EDIL3: variants seen among roughly 807,000 people sequenced by gnomAD.
The protein encoded by EDIL3 is EGF-like repeat and discoidin I-like domain-containing protein 3.
Under a neutral mutation model 67.4 loss-of-function variants are expected in EDIL3, and 37 were observed. The observed-to-expected ratio is 0.55, with a 90% CI of 0.42 to 0.72. The LOEUF is 0.72. EDIL3 is among the 30% of genes least tolerant of loss of function. The pLI is 0.00. For missense variants in EDIL3, 527 were observed against 586.3 expected, an observed-to-expected ratio of 0.90 and a Z score of 1.04; for synonymous variants, 195 against 196.3, an observed-to-expected ratio of 0.99 and a Z score of 0.05.
intron 1 of EDIL3, among the ~76,000 whole-genome samples, chr5:84,337,473 T>C (rs546015357): frequency 6.6e-6 from 1 of 152,238 alleles, no homozygotes; most frequent in South Asian, 2.1e-4. Context: ...ATAAAAATTG[T>C]AGTCATCCTA....
chr5:84,110,361 A>G (rs532081133), intron 5 of EDIL3, among the ~76,000 whole-genome samples: 10 of 152,296 alleles, frequency 6.6e-5, no homozygotes, highest in African/African-American at 2.4e-4. Context: ...ATTAAATTCA[A>G]CAGTTATAAA....
At chr5:84,157,968 C>T (rs1291693972) in intron 4 of EDIL3, among the ~76,000 whole-genome samples, 1 of 152,046 alleles carries the variant, frequency 6.6e-6, no homozygotes, top group Non-Finnish European at 1.5e-5. Flanking sequence ...ACAATGATAA[C>T]CGGAATCTAT....
chr5:84,053,080 T>C (rs1746373148), intron 9 of EDIL3, among the ~76,000 whole-genome samples: 1 of 152,154 alleles, frequency 6.6e-6, no homozygotes, highest in Admixed American at 6.6e-5. Flanking sequence ...TCAGCAAATG[T>C]AAAAGAACAG....
chr5:84,053,548 T>A (rs199912267), intron 9 of EDIL3, among the ~76,000 whole-genome samples: 1 of 151,568 alleles, frequency 6.6e-6, no homozygotes, highest in Non-Finnish European at 1.5e-5. Context: ...TCAACAAAAT[T>A]GATAGACCGC....
intron 10 of EDIL3, among the ~76,000 whole-genome samples, chr5:83,952,301 T>G (rs887097209): frequency 6.6e-6 from 1 of 151,806 alleles, no homozygotes; most frequent in Non-Finnish European, 1.5e-5. Context: ...CCACCATATT[T>G]AACTTCTTTT....
intron 8 of EDIL3, 27 bp downstream of exon 8, chr5:84,064,673 T>C (rs779719761): frequency 1.2e-6 from 2 of 1,600,118 alleles, no homozygotes; most frequent in Middle Eastern, 1.7e-4. Flanking sequence ...TTAAATAGAA[T>C]ACAGAAATAG....
At chr5:84,016,502 T>C (rs1402623388) in intron 9 of EDIL3, among the ~76,000 whole-genome samples, 2 of 152,142 alleles carry the variant, frequency 1.3e-5, no homozygotes, top group African/African-American at 4.8e-5. Context: ...ATCCCTAATC[T>C]GATAATCCCA....
chr5:84,375,324 T>C (rs1006019520), intron 1 of EDIL3, among the ~76,000 whole-genome samples: 1 of 152,208 alleles, frequency 6.6e-6, no homozygotes, highest in South Asian at 2.1e-4. Flanking sequence ...ATAATTCTCA[T>C]TGTTTTGTAA....
intron 9 of EDIL3, among the ~76,000 whole-genome samples, chr5:84,008,532 T>C (rs1745465364): frequency 6.6e-6 from 1 of 152,164 alleles, no homozygotes; most frequent in South Asian, 2.1e-4. Context: ...GGTAACACCC[T>C]CCTTTGATGG....
Position 84,066,570 on chromosome 5 carries a change from T to A in EDIL3, c.688A>T (p.Ile230Phe). ...LQRKMRVTGVITQGAKRIGSP... is the reference protein window; with the variant it reads ...LQRKMRVTGVFTQGAKRIGSP... ...CCAATCCTCTTGGCTCCTTGGGTAATCACACCAGTAACTCTCATTTTCCTT... is the reference window on the plus strand; with the variant it reads ...CCAATCCTCTTGGCTCCTTGGGTAAACACACCAGTAACTCTCATTTTCCTT... Residue 230 changes from isoleucine to phenylalanine, a missense_variant, in exon 7 of 11, where the codon ATT (isoleucine) becomes TTT (phenylalanine). Physicochemically the swap from Ile to Phe is conservative, Grantham distance 21 (BLOSUM62 0). This residue lies in a region of EDIL3 where 494 missense variants were observed against 522.5 expected (regional missense o/e 0.95). Transcript: ENST00000296591. 1 of 1,613,504 alleles carries A rather than the reference T, an allele frequency of 6.2e-7. No individual in the cohort carries two copies. Among genetic ancestry groups the A allele is most frequent in the Non-Finnish European group, 8.5e-7 (1 of 1,179,858 alleles).
chr5:84,337,467 A>G (rs892651334), intron 1 of EDIL3, among the ~76,000 whole-genome samples: 1 of 152,110 alleles, frequency 6.6e-6, no homozygotes, highest in East Asian at 1.9e-4. Context: ...CTAATAATAA[A>G]AATTGTAGTC....
chr5:83,988,027 T>A (rs1374389193), intron 9 of EDIL3, among the ~76,000 whole-genome samples: 1 of 152,064 alleles, frequency 6.6e-6, no homozygotes, highest in Non-Finnish European at 1.5e-5. Context: ...GGAATCGTTT[T>A]CTGACTACAC....
chr5:84,269,382 T>C (rs762596687), intron 1 of EDIL3, among the ~76,000 whole-genome samples: 1 of 151,778 alleles, frequency 6.6e-6, no homozygotes, highest in Non-Finnish European at 1.5e-5. Context: ...CTTTTACTTG[T>C]ACAGGAAATA....
chr5:84,252,725 T>C (rs1745048585), intron 2 of EDIL3, among the ~76,000 whole-genome samples: 1 of 152,022 alleles, frequency 6.6e-6, no homozygotes, highest in Non-Finnish European at 1.5e-5. Flanking sequence ...ACTCTAATTT[T>C]CTTCAGATAT....
intron 4 of EDIL3, among the ~76,000 whole-genome samples, chr5:84,178,449 A>T (rs540015705): frequency 6.6e-6 from 1 of 152,266 alleles, no homozygotes; most frequent in Non-Finnish European, 1.5e-5. Context: ...CTAGCTGAAG[A>T]AGCTTCCAGG....
intron 5 of EDIL3, among the ~76,000 whole-genome samples, chr5:84,132,329 A>ATT (rs1401285620): frequency 2.7e-5 from 2 of 74,808 alleles, no homozygotes; most frequent in African/African-American, 1.1e-4. Context: ...TATTTTATAT[A>ATT]ATATATATTA....
chr5:84,069,933 T>C (rs1746707064), intron 6 of EDIL3, among the ~76,000 whole-genome samples: 1 of 151,732 alleles, frequency 6.6e-6, no homozygotes, highest in African/African-American at 2.4e-5. Context: ...CACAGGTGGC[T>C]GGATGTGGAG....
chr5:84,358,448 G>C (rs534692968), intron 1 of EDIL3, among the ~76,000 whole-genome samples: 137 of 152,134 alleles, frequency 9.0e-4, no homozygotes, highest in African/African-American at 3.2e-3. Context: ...AATGGTGGTG[G>C]ATTTTGGTTA....
intron 1 of EDIL3, among the ~76,000 whole-genome samples, chr5:84,326,808 C>CATTT (rs1746767923): frequency 6.6e-6 from 1 of 151,572 alleles, no homozygotes; most frequent in Non-Finnish European, 1.5e-5. Flanking sequence ...TTCTTACCAC[C>CATTT]TTCTACATTC....
Sources: gnomAD v4.1 joint callset for allele counts (sites outside exome capture counted in the v4.1 genomes callset) on GRCh38, gnomAD v4.1.1 for gene constraint, gnomAD v4.1.1 regional missense constraint, MANE v1.5 for transcripts, NCBI Gene and HGNC (gene_info 2026-07-23, HGNC 2026-07-21) for gene names.